Variants in DLC1 observed in about 807,000 individuals in gnomAD.
DLC1 encodes DLC1 Rho GTPase activating protein, also known as rho GTPase-activating protein 7.
In DLC1, 54 loss-of-function variants were observed where a neutral mutation model predicts 140.3. The ratio of observed to expected loss-of-function variants is 0.38; its 90% CI spans 0.31 to 0.48. The LOEUF (loss-of-function observed/expected upper bound fraction) is 0.48, where lower values mean the gene tolerates loss of function less well. Among genes scored for constraint, DLC1 ranks in the 20% least tolerant of loss-of-function variants. The pLI, the probability that DLC1 is intolerant of heterozygous loss-of-function variation, is 0.96. For synonymous variants in DLC1, 986 were observed against 728.1 expected, an observed-to-expected ratio of 1.35 and a Z score of -5.70; for missense variants, 2,536 against 1,907.0, an observed-to-expected ratio of 1.33 and a Z score of -6.14.
chr8:13,312,189 G>A (rs1832693837), intron 4 of DLC1, among the ~76,000 whole-genome samples: 1 of 132,544 alleles, frequency 7.5e-6, no homozygotes, highest in African/African-American at 2.9e-5. Flanking sequence ...GTGAAACCCC[G>A]TCTCTACTAA....
At chr8:13,512,258 A>G (rs1219253331) in intron 1 of DLC1, among the ~76,000 whole-genome samples, 1 of 152,054 alleles carries the variant, frequency 6.6e-6, no homozygotes, top group East Asian at 1.9e-4. Flanking sequence ...GTATCGTGAC[A>G]CATTCTCTCT....
chr8:13,532,576 CTT>C lies in DLC1; in HGVS notation c.-125-32382_-125-32381del, dbSNP rs1010490856. Reference sequence around the variant, plus strand: ...AGACTTCAAAGCACAGGCTCTCTCTCTTTCTCTCTCTCTCTCTCTCTCAGATA... The same window carrying C: ...AGACTTCAAAGCACAGGCTCTCTCTCTCTCTCTCTCTCTCTCTCTCAGATA... On this transcript the variant is annotated intron_variant, in intron 1 of 1. Transcript: ENST00000631382. 7.0e-4 allele frequency among the ~76,000 whole-genome samples: 100 copies of C among 142,820 alleles called. No individual in the cohort carries two copies. In the Middle Eastern group the frequency reaches 0.016, roughly 23 times the overall value. The allele number at this position is 142,820 out of a possible 152,430, so 93.7% of individuals were successfully genotyped here.
intron 1 of DLC1, among the ~76,000 whole-genome samples, chr8:13,601,961 A>C (rs1192398949): frequency 3.3e-5 from 5 of 151,838 alleles, no homozygotes; most frequent in Admixed American, 6.6e-5. Flanking sequence ...TCCAATTAAA[A>C]TATATGGCAT....
At chr8:13,289,080 C>T (rs565181226) in intron 5 of DLC1, among the ~76,000 whole-genome samples, 2 of 152,296 alleles carry the variant, frequency 1.3e-5, no homozygotes, top group East Asian at 3.9e-4. Flanking sequence ...GTGACCTGTT[C>T]CTTTTTCCTA....
chr8:13,474,297 A>G (rs1800341416), intron 2 of DLC1, among the ~76,000 whole-genome samples: 1 of 152,186 alleles, frequency 6.6e-6, no homozygotes, highest in Non-Finnish European at 1.5e-5. Flanking sequence ...GTGGGTGTGC[A>G]GAAGTCAAGA....
chr8:13,409,439 G>T (rs371177275), intron 2 of DLC1, among the ~76,000 whole-genome samples: 1 of 152,048 alleles, frequency 6.6e-6, no homozygotes, highest in Non-Finnish European at 1.5e-5. Context: ...CAAATAAAAC[G>T]ATAGGATGTC....
intron 4 of DLC1, among the ~76,000 whole-genome samples, chr8:13,383,433 TC>T (rs1348947436): frequency 1.3e-5 from 2 of 152,170 alleles, no homozygotes; most frequent in African/African-American, 4.8e-5. Context: ...ACCTGCAGCG[TC>T]TCATCTGCAC....
chr8:13,130,162 T>C (rs1821958591), intron 5 of DLC1, among the ~76,000 whole-genome samples: 1 of 152,168 alleles, frequency 6.6e-6, no homozygotes, highest in Admixed American at 6.5e-5. Context: ...GATTTAAACA[T>C]TGCGTCATGG....
intron 5 of DLC1, among the ~76,000 whole-genome samples, chr8:13,259,043 A>G (rs1313425947): frequency 6.7e-6 from 1 of 150,294 alleles, no homozygotes; most frequent in Non-Finnish European, 1.5e-5. Flanking sequence ...AGGCTGAGGC[A>G]GGAGAATGGC....
At chr8:13,378,377 T>C (rs1295249821) in intron 4 of DLC1, among the ~76,000 whole-genome samples, 3 of 151,980 alleles carry the variant, frequency 2.0e-5, no homozygotes, top group African/African-American at 7.2e-5. Flanking sequence ...TCTGTAGGAT[T>C]CAAATATAGT....
intron 4 of DLC1, among the ~76,000 whole-genome samples, chr8:13,347,029 G>A (rs1834371132): frequency 6.6e-6 from 1 of 152,088 alleles, no homozygotes; most frequent in Admixed American, 6.5e-5. Context: ...AGTTACTATT[G>A]TTAATCTCTT....
At chr8:13,319,065 A>G (rs753509147) in intron 4 of DLC1, among the ~76,000 whole-genome samples, 28 of 152,200 alleles carry the variant, frequency 1.8e-4, no homozygotes, top group Non-Finnish European at 3.2e-4. Context: ...TTCTTCATCA[A>G]TCAGCAGTGA....
intron 5 of DLC1, among the ~76,000 whole-genome samples, chr8:13,298,433 C>T (rs912744805): frequency 6.6e-6 from 1 of 152,166 alleles, no homozygotes; most frequent in Non-Finnish European, 1.5e-5. Context: ...AACTCTAAGT[C>T]AGTAAGATTA....
chr8:13,315,575 T>C (rs1188130), intron 4 of DLC1, among the ~76,000 whole-genome samples: 25,118 of 152,208 alleles, frequency 0.17, 2,438 homozygotes, highest in African/African-American at 0.26. Context: ...ATTGCCTGCG[T>C]TTGATAACAT....
chr8:13,432,686 A>T (rs892402062), intron 2 of DLC1, among the ~76,000 whole-genome samples: 2 of 152,168 alleles, frequency 1.3e-5, no homozygotes, highest in African/African-American at 4.8e-5. Flanking sequence ...TGAGAAAAAG[A>T]CTCAAATGTT....
chr8:13,186,082 T>A (rs1171102894), intron 5 of DLC1, among the ~76,000 whole-genome samples: 6 of 143,764 alleles, frequency 4.2e-5, no homozygotes, highest in Non-Finnish European at 3.2e-5. Context: ...CCCGTAACGC[T>A]TTTTTCTGCA....
intron 1 of DLC1, among the ~76,000 whole-genome samples, chr8:13,580,050 A>G (rs1226955446): frequency 6.6e-6 from 1 of 152,094 alleles, no homozygotes; most frequent in Non-Finnish European, 1.5e-5. Flanking sequence ...ATGACCCAGG[A>G]TCACTTTAAG....
At chr8:13,430,961 C>T (rs1386464990) in intron 2 of DLC1, among the ~76,000 whole-genome samples, 1 of 152,148 alleles carries the variant, frequency 6.6e-6, no homozygotes, top group Non-Finnish European at 1.5e-5. Context: ...TATGAAGTCG[C>T]ATGAAACATA....
chr8:13,119,399 G>A (rs576397134), intron 5 of DLC1, among the ~76,000 whole-genome samples: 1 of 152,210 alleles, frequency 6.6e-6, no homozygotes, highest in East Asian at 1.9e-4. Context: ...GGCCTGAAAT[G>A]CTGAAGATGA....
Sources: allele counts gnomAD v4.1 joint callset (sites outside exome capture counted in the v4.1 genomes callset), GRCh38; gene constraint gnomAD v4.1.1; transcripts MANE v1.5; gene names NCBI Gene and HGNC (gene_info 2026-07-23, HGNC 2026-07-21).